Variants in VIPAS39 observed in about 807,000 individuals in gnomAD.
VIPAS39 encodes the protein spermatogenesis-defective protein 39 homolog.
VIPAS39 carries 63 observed loss-of-function variants against 84.7 expected under a neutral mutation model. The observed-to-expected ratio is 0.74, with a 90% CI of 0.61 to 0.92. The LOEUF is 0.92. Among genes scored for constraint, VIPAS39 ranks in the 40% least tolerant of loss-of-function variants. The pLI is 0.00. For missense variants in VIPAS39, 499 were observed against 604.5 expected (o/e 0.83, Z 1.83); for synonymous variants, 192 against 216.5 (o/e 0.89, Z 0.99).
chr14:77,438,521 G>C (rs555943972), intron 11 of VIPAS39, among the ~76,000 whole-genome samples: 108 of 152,324 alleles, frequency 7.1e-4, no homozygotes, highest in Middle Eastern at 3.4e-3. Flanking sequence ...GAGCCACCAC[G>C]CCCGGCCCAA....
intron 15 of VIPAS39, 90 bp downstream of exon 15, chr14:77,434,172 A>G: frequency 7.2e-7 from 1 of 1,384,970 alleles, no homozygotes; most frequent in Non-Finnish European, 1.0e-6. Flanking sequence ...TGAATATCAA[A>G]GGACACACTG....
At position 77,427,410 on chromosome 14, in the gene VIPAS39, A is replaced by T. The variant is rs1467295918; in HGVS notation, c.*206T>A. Reference sequence around the variant, plus strand: ...CCAGGTGGAGAGAATCATTCTCATGACTCAAAGCTTTAGATCTCGATCCTC... The same window carrying T: ...CCAGGTGGAGAGAATCATTCTCATGTCTCAAAGCTTTAGATCTCGATCCTC... On this transcript the variant is annotated 3_prime_UTR_variant, in exon 20 of 20. Transcript: ENST00000557658. 3.2e-6 allele frequency: 2 copies of T among 618,672 alleles called. No homozygotes were observed. Among genetic ancestry groups the T allele is most frequent in the Non-Finnish European group, 5.7e-6 (2 of 352,336 alleles). 38.3% of individuals were successfully genotyped at this position (618,672 alleles called of 1,614,324 possible). A position where few individuals can be genotyped will look rare whatever the true frequency, so the allele number is the denominator to read the frequency against.
In VIPAS39 at chr14:77,427,642, G is replaced by GA. The variant is rs1469797839; in HGVS notation, c.1462-7dup. 4.3e-6 allele frequency: 7 copies of GA among 1,614,050 alleles called. No individual in the cohort carries two copies. In the Admixed American group the frequency reaches 6.7e-5, roughly 15 times the overall value. On this transcript the variant is annotated splice_polypyrimidine_tract_variant and splice_region_variant and intron_variant, in intron 19 of 19. Transcript: ENST00000557658. The stretch of plus-strand genomic sequence containing the variant: ...TAATTCTTCCATCGAATTTGCTGTG[G>GA]AAAGAGGAAACAATGAAAGTGTGTG...
chr14:77,430,723 G>T, intron 16 of VIPAS39, among the ~76,000 whole-genome samples: 1 of 123,128 alleles, frequency 8.1e-6, no homozygotes, highest in African/African-American at 3.3e-5. Flanking sequence ...TCTCAAAAAA[G>T]AAAAAAAAAA....
At chr14:77,435,755 C>T in intron 13 of VIPAS39, 89 bp downstream of exon 13, 3 of 1,390,252 alleles carry the variant, frequency 2.2e-6, no homozygotes. Context: ...TAAGAAATGA[C>T]CCACGTGCAG....
chr14:77,433,763 A>C, intron 16 of VIPAS39, 79 bp downstream of exon 16: 49 of 1,373,176 alleles, frequency 3.6e-5, no homozygotes, highest in African/African-American at 4.4e-5. Flanking sequence ...GAAAAATGTA[A>C]ACCGGTAACT....
intron 1 of VIPAS39, among the ~76,000 whole-genome samples, chr14:77,455,255 G>T (rs1020450921): frequency 6.6e-6 from 1 of 152,108 alleles, no homozygotes; most frequent in African/African-American, 2.4e-5. Context: ...GACTGAGGTG[G>T]GAGGATCACC....
chr14:77,449,429 T>G, intron 5 of VIPAS39, 72 bp from the exon 6 acceptor site: 1 of 1,581,296 alleles, frequency 6.3e-7, no homozygotes, highest in Middle Eastern at 1.7e-4. Flanking sequence ...CTCTACTTCT[T>G]CGTTCTCACA....
chr14:77,428,937 AT>A (rs1425215914), intron 18 of VIPAS39, 68 bp downstream of exon 18: 1 of 1,395,998 alleles, frequency 7.2e-7, no homozygotes, highest in African/African-American at 1.4e-5. Context: ...TGGACAGAGA[AT>A]ATTATAATCC....
intron 19 of VIPAS39, among the ~76,000 whole-genome samples, chr14:77,427,976 A>C (rs371723574): frequency 1.3e-4 from 20 of 152,318 alleles, no homozygotes; most frequent in African/African-American, 4.6e-4. Flanking sequence ...TGTGCTCCCC[A>C]GGTAGCTAAC....
At chr14:77,434,213 G>T in intron 15 of VIPAS39, 49 bp downstream of exon 15, 1 of 1,557,658 alleles carries the variant, frequency 6.4e-7, no homozygotes, top group Non-Finnish European at 8.9e-7. Flanking sequence ...TCCACTCCAT[G>T]TAGTTACCCT....
At chr14:77,435,493 C>T (rs1328532097) in intron 13 of VIPAS39, 100 bp from the exon 14 acceptor site, 14 of 1,485,962 alleles carry the variant, frequency 9.4e-6, no homozygotes, top group Non-Finnish European at 1.3e-5. Context: ...TGTTTCCCAC[C>T]CTAGGAGAGA....
rs144661415 is a variant in VIPAS39, at chr14:77,427,061, T to C, written c.*555A>G. 3 of 155,764 alleles carry C rather than the reference T, an allele frequency of 1.9e-5. No individual in the cohort carries two copies. The highest frequency in any genetic ancestry group is 7.2e-5 in the African/African-American group (3 of 41,548). 9.6% of individuals were successfully genotyped at this position (155,764 alleles called of 1,614,324 possible). On this transcript the variant is annotated 3_prime_UTR_variant, in exon 20 of 20. Coordinates refer to ENST00000557658, the MANE Select transcript of VIPAS39 (RefSeq NM_001193315.2). Reference sequence around the variant, plus strand: ...GTAAACTGGGGCAGCAGAGGGAAAATGGCTGAGGAAACACAACGTCTAGGC... The same window carrying C: ...GTAAACTGGGGCAGCAGAGGGAAAACGGCTGAGGAAACACAACGTCTAGGC...
At position 77,441,415 on chromosome 14, in the gene VIPAS39, C is replaced by A. The variant is rs553992302; in HGVS notation, c.735-322G>T. On this transcript the variant is annotated intron_variant, in intron 10 of 19. Coordinates refer to ENST00000557658, the MANE Select transcript of VIPAS39 (RefSeq NM_001193315.2). ...ATTAAAGCACTATTCTCTGTCAATA[C>A]AATCTTGAAAACAGATTTTCTATAT... Among the ~76,000 whole-genome samples, 2 of 152,014 alleles carry A rather than the reference C, an allele frequency of 1.3e-5. 1 individual carries two copies. The highest frequency in any genetic ancestry group is 4.2e-4 in the South Asian group (2 of 4,804).
In VIPAS39 at chr14:77,428,469, G is replaced by A; in HGVS notation, c.1362C>T (p.Tyr454=). The A allele has an allele frequency of 6.2e-7, 1 of 1,613,802 alleles. No homozygotes were observed. Among genetic ancestry groups the A allele is most frequent in the Non-Finnish European group, 8.5e-7 (1 of 1,179,902 alleles). The change falls in exon 19 of 20, where the codon TAC becomes TAT. Residue 454 remains tyrosine (Y), a synonymous_variant. Transcript: ENST00000557658. The stretch of plus-strand genomic sequence containing the variant: ...ACTGTTGACGATCCTTCAGGTCCCG[G>A]TAGGTCTGTGCATCAAAACAAACAA... ...FKCHDVVIDT[Y]RDLKDRQQLL...
At chr14:77,433,328 G>A (rs2078553353) in intron 16 of VIPAS39, among the ~76,000 whole-genome samples, 1 of 152,112 alleles carries the variant, frequency 6.6e-6, no homozygotes, top group African/African-American at 2.4e-5. Flanking sequence ...AGCCTCCTGA[G>A]TAGCTGGGAT....
Position 77,435,184 on chromosome 14 carries a change from A to C in VIPAS39, c.1047+75T>G, listed in dbSNP as rs2078587841. ...TACATACCCATTATTAATAGAGTACATAAAAGTACTGGATTTGAACTATCT... is the reference window on the plus strand; with the variant it reads ...TACATACCCATTATTAATAGAGTACCTAAAAGTACTGGATTTGAACTATCT... On this transcript the variant is annotated intron_variant, in intron 14 of 19. Coordinates refer to ENST00000557658, the MANE Select transcript of VIPAS39 (RefSeq NM_001193315.2). 3.1e-6 allele frequency: 5 copies of C among 1,597,626 alleles called. No homozygotes were observed. The South Asian group carries it at 5.5e-5, about 18-fold the overall frequency.
Position 77,428,468 on chromosome 14 carries a change from G to T in VIPAS39, c.1363C>A (p.Arg455=). 2 of 1,613,654 alleles carry T rather than the reference G, an allele frequency of 1.2e-6. No individual in the cohort carries two copies. Among genetic ancestry groups the T allele is most frequent in the South Asian group, 1.1e-5 (1 of 91,052 alleles). The change falls in exon 19 of 20, where the codon CGG becomes AGG. Residue 455 remains arginine (R), a synonymous_variant. Coordinates refer to ENST00000557658, the MANE Select transcript of VIPAS39 (RefSeq NM_001193315.2). ...KCHDVVIDTY[R]DLKDRQQLLA... is the part of the protein sequence containing the mutation. ...AACTGTTGACGATCCTTCAGGTCCC[G>T]GTAGGTCTGTGCATCAAAACAAACA...
In VIPAS39 at chr14:77,447,338, AT is replaced by A. The variant is rs57819334; in HGVS notation, c.504+1155del. Among the ~76,000 whole-genome samples, 251 of 146,260 alleles carry A rather than the reference AT, an allele frequency of 1.7e-3. 1 individual carries two copies. The highest frequency in any genetic ancestry group is 2.9e-3 in the African/African-American group (116 of 40,074). On this transcript the variant is annotated intron_variant, in intron 7 of 19. Coordinates refer to ENST00000557658, the MANE Select transcript of VIPAS39 (RefSeq NM_001193315.2). ...CCGTGCCCGGCCGCACACCTGGCTA[AT>A]TTTTTTTTTTTTATCATTTGTAGAG...
Sources: gnomAD v4.1 joint callset for allele counts (sites outside exome capture counted in the v4.1 genomes callset) on GRCh38, gnomAD v4.1.1 for gene constraint, MANE v1.5 for transcripts, NCBI Gene and HGNC (gene_info 2026-07-23, HGNC 2026-07-21) for gene names.